The following FGGY variants were observed in gnomAD, a reference collection of about 807,000 sequenced individuals.
FGGY encodes FGGY carbohydrate kinase domain containing, also known as FGGY carbohydrate kinase domain-containing protein.
Under a neutral mutation model 71.3 loss-of-function variants are expected in FGGY, and 72 were observed. The observed-to-expected ratio is 1.01, with a 90% CI of 0.84 to 1.23. The LOEUF (loss-of-function observed/expected upper bound fraction) is 1.23, where lower values mean the gene tolerates loss of function less well. Among genes scored for constraint, FGGY ranks in the 50% most tolerant of loss-of-function variants. The pLI is 0.00. For missense variants in FGGY, 668 were observed against 682.3 expected, an observed-to-expected ratio of 0.98 and a Z score of 0.23; for synonymous variants, 251 against 250.3, an observed-to-expected ratio of 1.00 and a Z score of -0.02.
intron 14 of FGGY, among the ~76,000 whole-genome samples, chr1:59,727,696 A>G (rs970732549): frequency 2.6e-5 from 4 of 152,200 alleles, no homozygotes; most frequent in African/African-American, 7.2e-5. Context: ...AGAAAAGCCT[A>G]TTCTAAAGTT....
At chr1:59,623,157 G>C (rs2096826206) in intron 9 of FGGY, among the ~76,000 whole-genome samples, 1 of 152,104 alleles carries the variant, frequency 6.6e-6, no homozygotes, top group Non-Finnish European at 1.5e-5. Flanking sequence ...TTGCCAACCT[G>C]TGATCTTTGT....
In FGGY at chr1:59,322,813, C is replaced by T. The variant is rs2046642249; in HGVS notation, c.201+1063C>T. On this transcript the variant is annotated intron_variant, in intron 2 of 15. Transcript: ENST00000303721. The stretch of plus-strand genomic sequence containing the variant: ...TTTATGTCTTGGTGATCAGTAATGA[C>T]AGAGGTCCTTTTGTCTTTTTTTCCA... Among the ~76,000 whole-genome samples, 3 of 152,172 alleles carry T rather than the reference C, an allele frequency of 2.0e-5. No individual in the cohort carries two copies. In the South Asian group the frequency reaches 6.2e-4, roughly 32 times the overall value.
intron 13 of FGGY, among the ~76,000 whole-genome samples, chr1:59,669,370 A>G (rs891052044): frequency 2.6e-5 from 4 of 152,050 alleles, no homozygotes; most frequent in African/African-American, 7.2e-5. Context: ...CCAAAACCCT[A>G]TAGAAGTGGG....
intron 6 of FGGY, among the ~76,000 whole-genome samples, chr1:59,501,730 C>T (rs2094230535): frequency 1.3e-5 from 2 of 152,180 alleles, no homozygotes; most frequent in Admixed American, 1.3e-4. Context: ...GAGACATGAC[C>T]ATAGGGAGAA....
intron 1 of FGGY, among the ~76,000 whole-genome samples, chr1:59,300,592 C>A (rs767907305): frequency 1.8e-4 from 27 of 152,008 alleles, no homozygotes; most frequent in Admixed American, 9.8e-4. Context: ...AATATTCTTC[C>A]TATTTTTAAA....
chr1:59,612,026 G>A (rs1177009477), intron 9 of FGGY, among the ~76,000 whole-genome samples: 1 of 152,224 alleles, frequency 6.6e-6, no homozygotes. Flanking sequence ...CGTCTGATTA[G>A]TGTACCTGAA....
intron 6 of FGGY, among the ~76,000 whole-genome samples, chr1:59,497,590 A>G (rs555639106): frequency 1.3e-5 from 2 of 152,194 alleles, no homozygotes; most frequent in South Asian, 4.2e-4. Flanking sequence ...TCCGTCTCAA[A>G]CAAACAAAGA....
chr1:59,474,773 G>T (rs986943120), intron 6 of FGGY, among the ~76,000 whole-genome samples: 6 of 152,178 alleles, frequency 3.9e-5, no homozygotes, highest in Admixed American at 3.9e-4. Flanking sequence ...TAAGTAATAA[G>T]TTCACAGTTG....
intron 10 of FGGY, among the ~76,000 whole-genome samples, chr1:59,635,672 G>A (rs764977521): frequency 6.6e-6 from 1 of 152,126 alleles, no homozygotes; most frequent in African/African-American, 2.4e-5. Flanking sequence ...CTTTTCTTGT[G>A]AATGTGATTC....
At chr1:59,326,170 A>G (rs1454385254) in intron 2 of FGGY, among the ~76,000 whole-genome samples, 1 of 152,248 alleles carries the variant, frequency 6.6e-6, no homozygotes, top group Non-Finnish European at 1.5e-5. Context: ...GCAAACATTT[A>G]TTGAGCACTT....
intron 7 of FGGY, among the ~76,000 whole-genome samples, chr1:59,536,193 A>G (rs565885352): frequency 1.3e-5 from 2 of 152,060 alleles, no homozygotes; most frequent in South Asian, 4.2e-4. Flanking sequence ...AGAGAATACT[A>G]CAAACACCTC....
Position 59,553,207 on chromosome 1 carries a change from G to C in FGGY, c.800-917G>C, listed in dbSNP as rs560303580. ...AGGTCAGCAGGACCTGTTCTCTCCT[G>C]TGTCCAAGTCTCTGCGTCCTGCCTG... On this transcript the variant is annotated intron_variant, in intron 7 of 15. Transcript: ENST00000303721. 1.1e-4 allele frequency among the ~76,000 whole-genome samples: 17 copies of C among 152,220 alleles called. 1 individual carries two copies. Among genetic ancestry groups the C allele is most frequent in the Admixed American group, 6.5e-4 (10 of 15,286 alleles).
At chr1:59,613,299 C>G (rs1041228759) in intron 9 of FGGY, among the ~76,000 whole-genome samples, 1 of 152,202 alleles carries the variant, frequency 6.6e-6, no homozygotes, top group African/African-American at 2.4e-5. Flanking sequence ...CAAACTGTCT[C>G]TCAGACCACA....
intron 5 of FGGY, among the ~76,000 whole-genome samples, chr1:59,406,118 C>T (rs2062699362): frequency 6.6e-6 from 1 of 150,944 alleles, no homozygotes; most frequent in African/African-American, 2.4e-5. Context: ...ACAGTTGATT[C>T]TTCATTATTT....
At chr1:59,371,771 A>G (rs527828044) in intron 4 of FGGY, among the ~76,000 whole-genome samples, 58 of 152,284 alleles carry the variant, frequency 3.8e-4, no homozygotes, top group African/African-American at 1.3e-3. Flanking sequence ...AAACTGCTCA[A>G]CTACATGGAA....
At chr1:59,297,798 G>A (rs2042181107) in intron 1 of FGGY, among the ~76,000 whole-genome samples, 1 of 151,488 alleles carries the variant, frequency 6.6e-6, no homozygotes, top group Admixed American at 6.6e-5. Context: ...ACTCCAGCCT[G>A]GGGGACAGAG....
intron 7 of FGGY, among the ~76,000 whole-genome samples, chr1:59,536,290 A>C (rs2095312831): frequency 1.3e-5 from 2 of 152,204 alleles, no homozygotes; most frequent in African/African-American, 2.4e-5. Flanking sequence ...AAGAAGTTGA[A>C]TCTCTGAATA....
chr1:59,465,814 C>T (rs2092588194), intron 6 of FGGY, among the ~76,000 whole-genome samples: 1 of 152,156 alleles, frequency 6.6e-6, no homozygotes, highest in African/African-American at 2.4e-5. Context: ...TGAAGTACCT[C>T]TTCAAGGAGA....
At chr1:59,705,811 T>C (rs2097753877) in intron 14 of FGGY, among the ~76,000 whole-genome samples, 1 of 152,374 alleles carries the variant, frequency 6.6e-6, no homozygotes, top group African/African-American at 2.4e-5. Flanking sequence ...ACATGTTTGC[T>C]TTTGCCTTTT....
Sources: gnomAD v4.1 joint callset for allele counts (sites outside exome capture counted in the v4.1 genomes callset) on GRCh38, gnomAD v4.1.1 for gene constraint, MANE v1.5 for transcripts, NCBI Gene and HGNC (gene_info 2026-07-23, HGNC 2026-07-21) for gene names.